Variants in BIN3 observed in about 807,000 individuals in gnomAD.
The protein encoded by BIN3 is bridging integrator 3.
A neutral mutation model predicts 38.2 loss-of-function variants in BIN3; 41 were observed. The ratio of observed to expected loss-of-function variants is 1.07; its 90% CI spans 0.84 to 1.39. The LOEUF (loss-of-function observed/expected upper bound fraction) is 1.39. Among genes scored for constraint, BIN3 ranks in the 40% most tolerant of loss-of-function variants. The pLI is 0.00. For missense variants in BIN3, 361 were observed against 324.3 expected (o/e 1.11, Z -0.87); for synonymous variants, 145 against 122.6 (o/e 1.18, Z -1.21).
chr8:22,629,754 G>A, intron 6 of BIN3: 2 of 594,354 alleles, frequency 3.4e-6, no homozygotes, highest in Middle Eastern at 4.6e-4. Flanking sequence ...GGGGTACCCT[G>A]AGCTCGCCTG....
At chr8:22,648,527 T>TG (rs1802782756) in intron 1 of BIN3, among the ~76,000 whole-genome samples, 2 of 152,160 alleles carry the variant, frequency 1.3e-5, no homozygotes, top group African/African-American at 4.8e-5. Context: ...TTATGGCTTT[T>TG]GGGGTAGAAG....
intron 6 of BIN3, among the ~76,000 whole-genome samples, chr8:22,628,517 G>A (rs1009212714): frequency 5.9e-5 from 9 of 152,186 alleles, no homozygotes; most frequent in Admixed American, 5.9e-4. Flanking sequence ...GCGGAGATGT[G>A]CGCCCCCTCT....
At chr8:22,646,064 C>T (rs182577484) in intron 1 of BIN3, among the ~76,000 whole-genome samples, 10 of 152,290 alleles carry the variant, frequency 6.6e-5, no homozygotes, top group East Asian at 1.9e-4. Flanking sequence ...GGCTGCCCTT[C>T]GGCAGGTGAC....
rs1344337855 is a variant in BIN3 at position 22,623,984 on chromosome 8, C to T, written c.546G>A (p.Glu182=). ...FEAKNRQLLE[E]MPRFYGSRLD... is the part of the protein sequence containing the mutation. ...GGCGGCTGCCGTAGAAGCGCGGCAT[C>T]TCCTCCAGCAGCTGCCTGTTCTTGG... is the stretch of plus-strand genomic sequence containing the variant. Residue 182 remains glutamate, a synonymous_variant, in exon 8 of 9, where the codon GAG becomes GAA. Transcript: ENST00000276416. 1 of 1,612,590 alleles carries T rather than the reference C, an allele frequency of 6.2e-7. No individual in the cohort carries two copies. Among genetic ancestry groups the T allele is most frequent in the Non-Finnish European group, 8.5e-7 (1 of 1,179,726 alleles).
At chr8:22,634,655 G>A in intron 4 of BIN3, 1 of 407,776 alleles carries the variant, frequency 2.5e-6, no homozygotes, top group East Asian at 7.1e-5. Flanking sequence ...CCACTGCCCT[G>A]TGGCCCTTTG....
chr8:22,636,807 G>T, intron 3 of BIN3, 115 bp downstream of exon 3: 2 of 1,220,420 alleles, frequency 1.6e-6, no homozygotes, highest in Non-Finnish European at 2.4e-6. Context: ...GACCTGAGCT[G>T]CCCTCAGCTT....
intron 1 of BIN3, among the ~76,000 whole-genome samples, chr8:22,666,224 C>G (rs1238724549): frequency 6.6e-6 from 1 of 151,892 alleles, no homozygotes; most frequent in African/African-American, 2.4e-5. Context: ...GGTCACTATT[C>G]TTAATTCTAC....
At chr8:22,664,372 A>C (rs780048277) in intron 1 of BIN3, among the ~76,000 whole-genome samples, 2 of 152,258 alleles carry the variant, frequency 1.3e-5, no homozygotes, top group African/African-American at 2.4e-5. Flanking sequence ...CCTGTCTTCA[A>C]GGCATTACTA....
Position 22,624,310 on chromosome 8 carries a change from G to A in BIN3, c.392C>T (p.Ala131Val), listed in dbSNP as rs759242671. The change falls in exon 7 of 9, where the codon GCC (alanine) becomes GTC (valine). Residue 131 changes from alanine to valine, a missense_variant. Ala to Val is a moderately conservative substitution (Grantham distance 64). Transcript: ENST00000276416. ...CTGCAGCCTCCTGTAGTCCTGCAAG[G>A]CCTGTTCCCGCCTCTTCACAGCCAT... ...LNMAVKRREQ[A>V]LQDYRRLQAK... 6.2e-7 allele frequency: 1 copy of A among 1,613,806 alleles called. No individual in the cohort carries two copies. The highest frequency in any genetic ancestry group is 8.5e-7 in the Non-Finnish European group (1 of 1,179,800).
rs542072032 is a variant in BIN3, at chr8:22,648,775, TTTATC to T, written c.9-3977_9-3973del. On this transcript the variant is annotated intron_variant, in intron 1 of 8. Transcript: ENST00000276416. ...CAATATCAGTATGGACTCACAGATA[TTTATC>T]TTATATTTTGGGTTATAATCTAATA... Among the ~76,000 whole-genome samples, 686 of 152,350 alleles carry T rather than the reference TTTATC, an allele frequency of 4.5e-3. 6 individuals are homozygous for T. Among genetic ancestry groups the T allele is most frequent in the Non-Finnish European group, 7.8e-3 (529 of 68,028 alleles).
chr8:22,668,069 G>A (rs1375815340), intron 1 of BIN3, among the ~76,000 whole-genome samples: 2 of 152,154 alleles, frequency 1.3e-5, no homozygotes, highest in African/African-American at 4.8e-5. Context: ...GTACATCTCT[G>A]GGGCTCAATT....
intron 1 of BIN3, among the ~76,000 whole-genome samples, chr8:22,659,939 G>A (rs1174631473): frequency 2.0e-5 from 3 of 152,124 alleles, no homozygotes; most frequent in Admixed American, 6.5e-5. Context: ...GGTCCAGAAG[G>A]GGTGACTTGT....
At chr8:22,664,065 T>G (rs1310295337) in intron 1 of BIN3, among the ~76,000 whole-genome samples, 1 of 152,232 alleles carries the variant, frequency 6.6e-6, no homozygotes, top group Non-Finnish European at 1.5e-5. Flanking sequence ...AAATATTTGT[T>G]GAGCACCATG....
chr8:22,662,642 T>A (rs992184993), intron 1 of BIN3, among the ~76,000 whole-genome samples: 11 of 152,240 alleles, frequency 7.2e-5, no homozygotes, highest in African/African-American at 2.4e-4. Flanking sequence ...GTCTGAGTAT[T>A]TGTAATGATA....
intron 1 of BIN3, among the ~76,000 whole-genome samples, chr8:22,647,914 C>G (rs1345713901): frequency 1.3e-5 from 2 of 151,934 alleles, no homozygotes; most frequent in South Asian, 4.2e-4. Context: ...ATCACGAGGT[C>G]GGGAGATCGA....
Position 22,633,794 on chromosome 8 carries a change from G to A in BIN3, c.160+2731C>T, listed in dbSNP as rs534153399. ...CTGGAGGTGGGGCCCAGCGGCCCAC[G>A]GCACAGCAAGCCCGCCTACAACACT... On this transcript the variant is annotated intron_variant, in intron 4 of 8. Transcript: ENST00000276416. 2.4e-4 allele frequency among the ~76,000 whole-genome samples: 36 copies of A among 152,318 alleles called. 1 individual carries two copies. The South Asian group carries it at 5.8e-3, about 25-fold the overall frequency.
At chr8:22,631,304 G>T (rs1006455213) in intron 4 of BIN3, among the ~76,000 whole-genome samples, 2 of 152,102 alleles carry the variant, frequency 1.3e-5, no homozygotes, top group Admixed American at 1.3e-4. Context: ...GGCGGGACTG[G>T]GACAGCAGGG....
intron 4 of BIN3, 76 bp downstream of exon 4, chr8:22,636,449 T>TG (rs1267352086): frequency 6.9e-7 from 1 of 1,456,066 alleles, no homozygotes; most frequent in South Asian, 1.2e-5. Context: ...TCAGAGCCCT[T>TG]GGGGGGCTGA....
chr8:22,629,099 A>G (rs11785031), intron 6 of BIN3, among the ~76,000 whole-genome samples: 61,253 of 152,104 alleles, frequency 0.4, 12,660 homozygotes, highest in South Asian at 0.51. Context: ...GGCCTGCACA[A>G]TCAACGAACA....
Sources: gnomAD v4.1 joint callset for allele counts (sites outside exome capture counted in the v4.1 genomes callset) on GRCh38, gnomAD v4.1.1 for gene constraint, MANE v1.5 for transcripts, NCBI Gene and HGNC (gene_info 2026-07-23, HGNC 2026-07-21) for gene names.